The following ANKRD30B variants were observed in gnomAD, a reference collection of about 807,000 sequenced individuals.
ANKRD30B encodes the protein ankyrin repeat domain-containing protein 30B.
Under a neutral mutation model 202.2 loss-of-function variants are expected in ANKRD30B, and 144 were observed. That is an observed-to-expected ratio of 0.71 (90% confidence interval 0.62 to 0.82). The LOEUF is 0.82. Ranked by LOEUF, ANKRD30B falls within the 40% of genes least tolerant of loss-of-function variation. The probability of loss-of-function intolerance (pLI) is 0.00; values close to 1 mark genes in which losing one functional copy is unlikely to be tolerated. For missense variants in ANKRD30B, 1,487 were observed against 1,669.1 expected (o/e 0.89, Z 1.90); for synonymous variants, 508 against 561.3 (o/e 0.91, Z 1.34).
chr18:14,909,141 GTTT>G, the ANKRD30B span, among the ~76,000 whole-genome samples: 1 of 152,290 alleles, frequency 6.6e-6, no homozygotes, highest in South Asian at 2.1e-4. Context: ...CAGTGGAGGG[GTTT>G]TGTCTGGGAC....
chr18:14,900,268 A>C, the ANKRD30B span, among the ~76,000 whole-genome samples: 1 of 152,146 alleles, frequency 6.6e-6, no homozygotes, highest in African/African-American at 2.4e-5. Flanking sequence ...TATGGTACCC[A>C]AAAACTTAGA....
At chr18:14,926,573 C>T in the ANKRD30B span, among the ~76,000 whole-genome samples, 1 of 152,072 alleles carries the variant, frequency 6.6e-6, no homozygotes, top group African/African-American at 2.4e-5. Flanking sequence ...TAAAGCTGGA[C>T]AAGGTAATAT....
the ANKRD30B span, among the ~76,000 whole-genome samples, chr18:14,870,127 C>T: frequency 2.6e-5 from 4 of 152,208 alleles, no homozygotes; most frequent in Non-Finnish European, 4.4e-5. Flanking sequence ...TGAGCCACCA[C>T]GCGAAGCCTA....
the ANKRD30B span, among the ~76,000 whole-genome samples, chr18:14,917,548 T>C: frequency 3.3e-5 from 5 of 152,218 alleles, no homozygotes; most frequent in Non-Finnish European, 7.3e-5. Flanking sequence ...CACCAGACTG[T>C]CCTGGTTGGT....
chr18:14,852,456 C>A, intron 42 of ANKRD30B, 36 bp downstream of exon 42: 2 of 1,499,956 alleles, frequency 1.3e-6, no homozygotes, highest in African/African-American at 1.4e-5. Flanking sequence ...TTTCAAACTT[C>A]CTGAAAGAAA....
intron 4 of ANKRD30B, among the ~76,000 whole-genome samples, chr18:14,756,246 G>A (rs1011606648): frequency 6.6e-5 from 10 of 152,070 alleles, no homozygotes; most frequent in African/African-American, 2.4e-4. Context: ...CTTTTTGATG[G>A]GGTTGTTTGT....
At chr18:14,840,705 T>A (rs1478446518) in intron 37 of ANKRD30B, 27 bp downstream of exon 37, 1 of 1,295,050 alleles carries the variant, frequency 7.7e-7, no homozygotes, top group Non-Finnish European at 1.1e-6. Flanking sequence ...ATTTAAAACA[T>A]CTTTTGTCCA....
intron 1 of ANKRD30B, among the ~76,000 whole-genome samples, chr18:14,749,132 A>G (rs1055849942): frequency 2.0e-5 from 3 of 152,214 alleles, no homozygotes; most frequent in Non-Finnish European, 4.4e-5. Context: ...GTCTATGTAA[A>G]TATGTTCTTT....
Position 14,748,314 on chromosome 18 carries a change from C to G in ANKRD30B, c.-106C>G. ...GAACTGAAGACGGGCGAGTGCGAGCCGGGGGCGGGTGCTGGGGAAGGGTAA... is the reference window on the plus strand; with the variant it reads ...GAACTGAAGACGGGCGAGTGCGAGCGGGGGGCGGGTGCTGGGGAAGGGTAA... On this transcript the variant is annotated 5_prime_UTR_variant, in exon 1 of 44. Transcript: ENST00000690538. 1.1e-6 allele frequency: 1 copy of G among 917,300 alleles called. No homozygotes were observed. The highest frequency in any genetic ancestry group is 1.5e-6 in the Non-Finnish European group (1 of 656,206). The allele number at this position is 917,300 out of a possible 1,614,324, so 56.8% of individuals were successfully genotyped here.
At chr18:14,849,321 A>G (rs1394031234) in intron 40 of ANKRD30B, among the ~76,000 whole-genome samples, 1 of 151,792 alleles carries the variant, frequency 6.6e-6, no homozygotes, top group Non-Finnish European at 1.5e-5. Flanking sequence ...AATTATAGGA[A>G]TTTTTAAAAA....
chr18:14,918,751 A>G, the ANKRD30B span, among the ~76,000 whole-genome samples: 1 of 152,164 alleles, frequency 6.6e-6, no homozygotes, highest in Non-Finnish European at 1.5e-5. Context: ...ACAACCTATT[A>G]TTTATTTCCT....
chr18:14,776,780 A>T (rs553809446), intron 9 of ANKRD30B, among the ~76,000 whole-genome samples: 5 of 152,222 alleles, frequency 3.3e-5, no homozygotes, highest in Admixed American at 2.0e-4. Flanking sequence ...GTTTGCTTTC[A>T]TTTAAAAATA....
the ANKRD30B span, among the ~76,000 whole-genome samples, chr18:14,869,587 A>G: frequency 6.6e-6 from 1 of 152,102 alleles, no homozygotes; most frequent in South Asian, 2.1e-4. Flanking sequence ...TGCCAATACA[A>G]ATTTATTTCT....
the ANKRD30B span, among the ~76,000 whole-genome samples, chr18:14,929,073 CAG>C: frequency 6.6e-6 from 1 of 152,236 alleles, no homozygotes; most frequent in Non-Finnish European, 1.5e-5. Context: ...TACCAGAACA[CAG>C]AGCTTTCCAA....
At chr18:14,893,966 A>AAG in the ANKRD30B span, among the ~76,000 whole-genome samples, 1 of 151,032 alleles carries the variant, frequency 6.6e-6, no homozygotes, top group African/African-American at 2.4e-5. Flanking sequence ...ATATAAATAA[A>AAG]AGAGAGAGAG....
intron 7 of ANKRD30B, among the ~76,000 whole-genome samples, chr18:14,768,933 G>T (rs1229899690): frequency 2.0e-5 from 3 of 152,096 alleles, no homozygotes; most frequent in Non-Finnish European, 2.9e-5. Flanking sequence ...CTATTTTTCC[G>T]TGCATTTGAG....
the ANKRD30B span, among the ~76,000 whole-genome samples, chr18:14,898,846 G>C: frequency 7.2e-5 from 11 of 152,138 alleles, no homozygotes; most frequent in African/African-American, 2.2e-4. Flanking sequence ...GCCCTTGAAA[G>C]AGGTGAAGAC....
intron 3 of ANKRD30B, among the ~76,000 whole-genome samples, chr18:14,753,885 T>G (rs1321588917): frequency 1.3e-5 from 2 of 152,106 alleles, no homozygotes; most frequent in African/African-American, 4.8e-5. Context: ...AGTTAGAACT[T>G]TCATTAGTAA....
intron 9 of ANKRD30B, among the ~76,000 whole-genome samples, chr18:14,773,811 A>G (rs1967175166): frequency 6.6e-6 from 1 of 152,004 alleles, no homozygotes; most frequent in Admixed American, 6.6e-5. Context: ...GCATGCCACA[A>G]TGCACAGTTA....
Sources: gnomAD v4.1 joint callset for allele counts (sites outside exome capture counted in the v4.1 genomes callset) on GRCh38, gnomAD v4.1.1 for gene constraint, MANE v1.5 for transcripts, NCBI Gene and HGNC (gene_info 2026-07-23, HGNC 2026-07-21) for gene names.